The following EXOC2 variants were observed in gnomAD, a reference collection of about 807,000 sequenced individuals.
EXOC2 encodes SEC5-like 1.
A neutral mutation model predicts 131.8 loss-of-function variants in EXOC2; 70 were observed. That is an observed-to-expected ratio of 0.53 (90% CI 0.44 to 0.65). The LOEUF (loss-of-function observed/expected upper bound fraction) is 0.65. Among genes scored for constraint, EXOC2 ranks in the 30% least tolerant of loss-of-function variants. The pLI is 0.00. For synonymous variants in EXOC2, 411 were observed against 398.4 expected, an observed-to-expected ratio of 1.03 and a Z score of -0.38; for missense variants, 923 against 1,108.6, an observed-to-expected ratio of 0.83 and a Z score of 2.38.
chr6:503,016 C>T (rs567412925), intron 23 of EXOC2, among the ~76,000 whole-genome samples: 3 of 152,292 alleles, frequency 2.0e-5, no homozygotes, highest in South Asian at 2.1e-4. Flanking sequence ...CGGAGTGAGG[C>T]GGAGCTCTGC....
At chr6:677,169 G>A (rs1163990538) in intron 1 of EXOC2, among the ~76,000 whole-genome samples, 2 of 127,834 alleles carry the variant, frequency 1.6e-5, no homozygotes, top group Non-Finnish European at 3.5e-5. Context: ...TGGAGACTGC[G>A]GTTCCCCATA....
chr6:600,924 A>T (rs1760096958), intron 7 of EXOC2, among the ~76,000 whole-genome samples: 1 of 152,202 alleles, frequency 6.6e-6, no homozygotes, highest in South Asian at 2.1e-4. Context: ...TTCTGCTGTA[A>T]ATTTAATTGT....
intron 23 of EXOC2, among the ~76,000 whole-genome samples, chr6:516,894 C>A (rs1300108506): frequency 6.6e-6 from 1 of 152,198 alleles, no homozygotes; most frequent in Non-Finnish European, 1.5e-5. Context: ...AAGAAACACA[C>A]ACACCTTCCC....
At position 555,550 on chromosome 6, in the gene EXOC2, T is replaced by C. The variant is rs567091503; in HGVS notation, c.1993-262A>G. 3.3e-5 allele frequency among the ~76,000 whole-genome samples: 5 copies of C among 152,302 alleles called. No individual in the cohort carries two copies. In the South Asian group the frequency reaches 6.2e-4, roughly 19 times the overall value. On this transcript the variant is annotated intron_variant, in intron 19 of 27. Transcript: ENST00000230449. ...ATCAATTATTAAGTTTGTAAAGATA[T>C]ATTCCGGAAAAAGACTTTCTCTTAT...
intron 7 of EXOC2, among the ~76,000 whole-genome samples, chr6:608,359 G>T (rs1473962127): frequency 1.3e-5 from 2 of 152,172 alleles, no homozygotes; most frequent in Non-Finnish European, 2.9e-5. Context: ...CATATCCTAA[G>T]ACAGCAATCA....
At chr6:551,368 A>G (rs1007395857) in intron 21 of EXOC2, among the ~76,000 whole-genome samples, 1 of 152,228 alleles carries the variant, frequency 6.6e-6, no homozygotes, top group Admixed American at 6.5e-5. Context: ...AAATCTGATG[A>G]GATAGCTTTC....
chr6:555,106 C>T (rs9504304), intron 20 of EXOC2, 121 bp downstream of exon 20: 5,638 of 473,662 alleles, frequency 0.012, 42 homozygotes, highest in Admixed American at 0.04. Context: ...ACTATTACTT[C>T]GATATGAACA....
At chr6:540,721 G>T (rs1002670475) in intron 22 of EXOC2, among the ~76,000 whole-genome samples, 1 of 152,136 alleles carries the variant, frequency 6.6e-6, no homozygotes, top group Non-Finnish European at 1.5e-5. Context: ...TTAAAGGACA[G>T]AAAAGTTTGA....
At chr6:612,846 ACACAGTTTTGACC>A (rs1472480858) in intron 6 of EXOC2, among the ~76,000 whole-genome samples, 1 of 152,206 alleles carries the variant, frequency 6.6e-6, no homozygotes, top group African/African-American at 2.4e-5. Flanking sequence ...ATATTCACTC[ACACAGTTTTGACC>A]CACAGTTGTT....
chr6:651,702 G>C (rs1189676182), intron 1 of EXOC2, among the ~76,000 whole-genome samples: 2 of 151,106 alleles, frequency 1.3e-5, no homozygotes, highest in African/African-American at 4.8e-5. Flanking sequence ...AAAAAATAAA[G>C]TCTACAGAAG....
intron 14 of EXOC2, 72 bp downstream of exon 14, chr6:564,792 T>C (rs1757884748): frequency 4.4e-6 from 7 of 1,581,676 alleles, no homozygotes; most frequent in Non-Finnish European, 5.1e-6. Flanking sequence ...GTAATGGATG[T>C]CTTGAATACA....
Position 532,508 on chromosome 6 carries a change from C to T in EXOC2, c.2341G>A (p.Ala781Thr). 1 of 1,606,638 alleles carries T rather than the reference C, an allele frequency of 6.2e-7. No homozygotes were observed. The highest frequency in any genetic ancestry group is 8.5e-7 in the Non-Finnish European group (1 of 1,177,884). ...CAGTCCTTCCAATCAAAATATCCTG[C>T]ATAAATTCCAGGTTCTAAGGAGCCA... ...IVGSLEPGIY[A>T]GYFDWKDCLP... The change falls in exon 23 of 28, where the codon GCA (alanine) becomes ACA (threonine). Residue 781 changes from alanine (A) to threonine (T), a missense_variant. Coordinates refer to ENST00000230449, the MANE Select transcript of EXOC2 (RefSeq NM_018303.6).
chr6:659,626 A>T (rs1415730291), intron 1 of EXOC2, among the ~76,000 whole-genome samples: 1 of 152,162 alleles, frequency 6.6e-6, no homozygotes, highest in Non-Finnish European at 1.5e-5. Context: ...TTTGCGGGAG[A>T]AGTTTCCGAC....
chr6:532,419 A>G, intron 23 of EXOC2, 50 bp downstream of exon 23: 3 of 1,415,982 alleles, frequency 2.1e-6, no homozygotes, highest in Non-Finnish European at 2.8e-6. Flanking sequence ...GCAAGTATCA[A>G]TTGATAAAAG....
chr6:491,295 C>T (rs1015853104), intron 25 of EXOC2, 109 bp from the exon 26 acceptor site: 42 of 1,059,200 alleles, frequency 4.0e-5, no homozygotes, highest in Non-Finnish European at 4.3e-5. Flanking sequence ...ATGGGGTTGG[C>T]GTAATACCAC....
chr6:651,131 C>T (rs183647486), intron 1 of EXOC2, among the ~76,000 whole-genome samples: 11 of 151,766 alleles, frequency 7.2e-5, no homozygotes, highest in Non-Finnish European at 1.5e-4. Context: ...CGCAGGTTCA[C>T]GCCATTCTCC....
intron 10 of EXOC2, among the ~76,000 whole-genome samples, chr6:597,321 C>A (rs1310906157): frequency 6.6e-6 from 1 of 151,868 alleles, no homozygotes; most frequent in Non-Finnish European, 1.5e-5. Flanking sequence ...GGATTACAGG[C>A]GCACATCACC....
intron 22 of EXOC2, among the ~76,000 whole-genome samples, chr6:541,609 A>G (rs1756545099): frequency 7.4e-6 from 1 of 135,162 alleles, no homozygotes; most frequent in Non-Finnish European, 1.7e-5. Flanking sequence ...GTAAGTACAA[A>G]TAAGGACCAC....
In EXOC2 at chr6:499,700, C is replaced by T. The variant is rs1234441600; in HGVS notation, c.2381G>A (p.Gly794Asp). ...TGCTTCTTTTAAATAGTTTCTGACA[C>T]CTGAAATTGAAATAAAGGAGAGAAA... ...FDWKDCLPPTGVRNYLKEALV... is the reference protein window; with the variant it reads ...FDWKDCLPPTDVRNYLKEALV... The change falls in exon 24 of 28, where the codon GGT becomes GAT. Residue 794 changes from glycine (G) to aspartate (D), a missense_variant and splice_region_variant. Physicochemically the swap from Gly to Asp is moderately conservative, Grantham distance 94. Transcript: ENST00000230449. 1 of 1,612,954 alleles carries T rather than the reference C, an allele frequency of 6.2e-7. No homozygotes were observed.
Sources: gnomAD v4.1 joint callset for allele counts (sites outside exome capture counted in the v4.1 genomes callset) on GRCh38, gnomAD v4.1.1 for gene constraint, MANE v1.5 for transcripts, NCBI Gene and HGNC (gene_info 2026-07-23, HGNC 2026-07-21) for gene names.